Variants in CEP152 observed in about 807,000 individuals in gnomAD.
CEP152 encodes the protein centrosomal protein 152, also known as centrosomal protein of 152 kDa.
A neutral mutation model predicts 188.9 loss-of-function variants in CEP152; 132 were observed. That is an observed-to-expected ratio of 0.70 (90% CI 0.61 to 0.81). The LOEUF is 0.81. CEP152 is among the 30% of genes least tolerant of loss of function. The probability of loss-of-function intolerance (pLI) is 0.00; values close to 1 mark genes in which losing one functional copy is unlikely to be tolerated. For missense variants in CEP152, 1,914 were observed against 1,969.8 expected, an observed-to-expected ratio of 0.97 and a Z score of 0.54; for synonymous variants, 649 against 666.6, an observed-to-expected ratio of 0.97 and a Z score of 0.41.
chr15:48,799,280 A>C (rs925427943), intron 2 of CEP152, among the ~76,000 whole-genome samples: 2 of 149,276 alleles, frequency 1.3e-5, no homozygotes, highest in African/African-American at 4.9e-5. Context: ...AAGAATTACC[A>C]AAAAAAAAAG....
At chr15:48,734,587 TAA>T (rs34623932), downstream of CEP152, among the ~76,000 whole-genome samples, 3 of 128,878 alleles carry the variant, frequency 2.3e-5, no homozygotes, top group Admixed American at 7.6e-5. Flanking sequence ...GCTTCTCTGA[TAA>T]AAAAAAAAAA....
At chr15:48,805,707 C>G in intron 1 of CEP152, 51 bp from the exon 2 acceptor site, 9 of 1,610,394 alleles carry the variant, frequency 5.6e-6, no homozygotes, top group Non-Finnish European at 7.6e-6. Context: ...AAAATCTCCC[C>G]AGGACAAACT....
rs35650877 is a variant in CEP152 at position 48,777,466 on chromosome 15, TTGTGTG to T, written c.1577+3724_1577+3729del. Among the ~76,000 whole-genome samples the T allele has an allele frequency of 6.2e-3, 919 of 147,420 alleles. 6 individuals are homozygous for T. The highest frequency in any genetic ancestry group is 0.018 in the African/African-American group (712 of 40,286). On this transcript the variant is annotated intron_variant, in intron 12 of 26. Coordinates refer to ENST00000380950, the MANE Select transcript of CEP152 (RefSeq NM_001194998.2). ...TGATTCCAAATAAAATCTTAGAATA[TTGTGTG>T]TGTGTGTGTGTGTGTGTGTGTGTGT... is the stretch of plus-strand genomic sequence containing the variant.
intron 12 of CEP152, among the ~76,000 whole-genome samples, chr15:48,780,758 C>T (rs1896190274): frequency 6.6e-6 from 1 of 152,216 alleles, no homozygotes. Context: ...AACACGTAAG[C>T]TCCCTGTGGG....
At chr15:48,765,205 TGGA>T (rs1349137579) in intron 17 of CEP152, among the ~76,000 whole-genome samples, 4 of 152,146 alleles carry the variant, frequency 2.6e-5, no homozygotes, top group Non-Finnish European at 4.4e-5. Context: ...GGGGTGGGTT[TGGA>T]GGAGGAGTGT....
At chr15:48,759,481 C>A (rs544674878) in intron 19 of CEP152, among the ~76,000 whole-genome samples, 2 of 152,150 alleles carry the variant, frequency 1.3e-5, no homozygotes, top group Non-Finnish European at 2.9e-5. Context: ...AAAATGAATT[C>A]TATTTTTGTG....
At chr15:48,740,086 ATC>A (rs1892844696) in intron 26 of CEP152, among the ~76,000 whole-genome samples, 1 of 152,102 alleles carries the variant, frequency 6.6e-6, no homozygotes, top group Admixed American at 6.5e-5. Flanking sequence ...TATGTTAAAA[ATC>A]TCTCAGTGTG....
Position 48,756,037 on chromosome 15 carries a change from A to AAAGCTG in CEP152, c.3205_3210dup (p.Gln1069_Leu1070dup). 1 of 1,614,100 alleles carries AAAGCTG rather than the reference A, an allele frequency of 6.2e-7. No individual in the cohort carries two copies. The highest frequency in any genetic ancestry group is 1.1e-5 in the South Asian group (1 of 91,078). On this transcript the variant is annotated inframe_insertion, in exon 20 of 27. Coordinates refer to ENST00000380950, the MANE Select transcript of CEP152 (RefSeq NM_001194998.2). ...GAAGAACAAGTCGACATGATTTCCA[A>AAAGCTG]AAGCTGCTTGTCCTCAGAATCACTG...
In CEP152 at chr15:48,796,100, A is replaced by G. The variant is rs1252362415; in HGVS notation, c.601T>C (p.Ser201Pro). The G allele has an allele frequency of 1.2e-6, 2 of 1,613,806 alleles. No homozygotes were observed. Among genetic ancestry groups the G allele is most frequent in the Non-Finnish European group, 1.7e-6 (2 of 1,179,886 alleles). Residue 201 changes from serine (S) to proline (P), a missense_variant, in exon 6 of 27, where the codon TCT becomes CCT. Coordinates refer to ENST00000380950, the MANE Select transcript of CEP152 (RefSeq NM_001194998.2). ...GCTGGTGAGCCATTATTCTGGGCAG[A>G]AGACTGATAAGGTTTATATGTCACT... is the stretch of plus-strand genomic sequence containing the variant. Reference protein sequence around the residue: ...NKVTYKPYQSSAQNNGSPAQE... With the variant: ...NKVTYKPYQSPAQNNGSPAQE...
At position 48,762,479 on chromosome 15, in the gene CEP152, T is replaced by A; in HGVS notation, c.2474A>T (p.Glu825Val). 1 of 1,614,136 alleles carries A rather than the reference T, an allele frequency of 6.2e-7. No individual in the cohort carries two copies. Among genetic ancestry groups the A allele is most frequent in the South Asian group, 1.1e-5 (1 of 91,082 alleles). The change falls in exon 18 of 27, where the codon GAA (glutamate) becomes GTA (valine). Residue 825 changes from glutamate (E) to valine (V), a missense_variant. Physicochemically the swap from Glu to Val is moderately radical, Grantham distance 121 (BLOSUM62 -2). Coordinates refer to ENST00000380950, the MANE Select transcript of CEP152 (RefSeq NM_001194998.2). ...EQKCTIQQNLEQEKDIAIKGA... is the reference protein window; with the variant it reads ...EQKCTIQQNLVQEKDIAIKGA... ...CTTGATGGCTATGTCCTTCTCTTGT[T>A]CTAAGTTTTGCTGGATTGTGCACTT...
At chr15:48,729,155 A>T (rs1892342499) in intron 2 of CEP152, 1 of 152,230 alleles carries the variant, frequency 6.6e-6, no homozygotes, top group East Asian at 1.9e-4. Context: ...GAAAAGTGGT[A>T]AGTCCTCAGC....
chr15:48,805,556 A>G lies in CEP152; in HGVS notation c.87+7T>C. 6.3e-7 allele frequency: 1 copy of G among 1,587,526 alleles called. No individual in the cohort carries two copies. Among genetic ancestry groups the G allele is most frequent in the Non-Finnish European group, 8.5e-7 (1 of 1,174,062 alleles). ...GTCTCTTTTTTTTTTTTTTTTTAAC[A>G]ACTTACCTCTTTCTCTCTTTCATAG... On this transcript the variant is annotated splice_region_variant and intron_variant, in intron 2 of 26. Coordinates refer to ENST00000380950, the MANE Select transcript of CEP152 (RefSeq NM_001194998.2).
chr15:48,729,092 C>A (rs1204517047), intron 2 of CEP152: 1 of 152,168 alleles, frequency 6.6e-6, no homozygotes, highest in Non-Finnish European at 1.5e-5. Context: ...GTTGACACCT[C>A]ATAAATATTT....
At chr15:48,741,126 C>T (rs1176700313) in intron 26 of CEP152, 55 of 949,626 alleles carry the variant, frequency 5.8e-5, no homozygotes, top group Non-Finnish European at 6.6e-5. Context: ...CTATCCACTG[C>T]AAACTTTTTT....
chr15:48,758,589 G>C (rs1894442810), intron 19 of CEP152, among the ~76,000 whole-genome samples: 1 of 151,658 alleles, frequency 6.6e-6, no homozygotes, highest in Non-Finnish European at 1.5e-5. Context: ...CGAGGTAGCG[G>C]GCACCTATAA....
Position 48,782,255 on chromosome 15 carries a change from A to G in CEP152, c.1322-25T>C, listed in dbSNP as rs190828430. ...CCTGCAGAGGAAAGAACCATAGGAT[A>G]TACTGAAAAAATTAAGGGGACAAAG... On this transcript the variant is annotated intron_variant, in intron 10 of 26. Transcript: ENST00000380950. 3.4e-4 allele frequency: 543 copies of G among 1,604,480 alleles called. 1 individual carries two copies. The African/African-American group carries it at 6.5e-3, about 19-fold the overall frequency.
intron 6 of CEP152, 109 bp downstream of exon 6, chr15:48,795,901 T>C (rs1366162675): frequency 2.0e-6 from 2 of 1,010,390 alleles, no homozygotes; most frequent in East Asian, 2.6e-5. Flanking sequence ...CACAATTCTA[T>C]TGTCATACTT....
chr15:48,791,420 GGACCCCAAT>G, intron 7 of CEP152, 44 bp from the exon 8 acceptor site: 1 of 1,545,050 alleles, frequency 6.5e-7, no homozygotes, highest in Non-Finnish European at 8.9e-7. Context: ...TCCTGTAGAG[GGACCCCAAT>G]GTCACAATCC....
At chr15:48,793,498 C>T (rs997240590) in intron 6 of CEP152, 37 bp from the exon 7 acceptor site, 2 of 1,573,354 alleles carry the variant, frequency 1.3e-6, no homozygotes, top group Non-Finnish European at 8.7e-7. Context: ...TAAAAACATA[C>T]CAAAATATAA....
Sources: gnomAD v4.1 joint callset for allele counts (sites outside exome capture counted in the v4.1 genomes callset) on GRCh38, gnomAD v4.1.1 for gene constraint, MANE v1.5 for transcripts, NCBI Gene and HGNC (gene_info 2026-07-23, HGNC 2026-07-21) for gene names.